Variants in SMYD3 observed in about 807,000 individuals in gnomAD.
The protein encoded by SMYD3 is SET and MYND domain containing 3, also known as histone-lysine N-methyltransferase SMYD3.
In SMYD3, 36 loss-of-function variants were observed where a neutral mutation model predicts 57.7. The observed-to-expected ratio is 0.62, with a 90% CI of 0.48 to 0.82. SMYD3 has a LOEUF of 0.82. Ranked by LOEUF, SMYD3 falls within the 40% of genes least tolerant of loss-of-function variation. SMYD3 has a pLI of 0.00. For missense variants in SMYD3, 515 were observed against 538.8 expected, an observed-to-expected ratio of 0.96 and a Z score of 0.44; for synonymous variants, 211 against 195.0, an observed-to-expected ratio of 1.08 and a Z score of -0.68.
intron 5 of SMYD3, among the ~76,000 whole-genome samples, chr1:246,072,977 C>T (rs2060484651): frequency 6.6e-6 from 1 of 152,148 alleles, no homozygotes; most frequent in African/African-American, 2.4e-5. Context: ...TTTCTTGAGA[C>T]CTTGGCTCTT....
At chr1:246,239,436 T>A (rs1219487157) in intron 5 of SMYD3, among the ~76,000 whole-genome samples, 2 of 152,222 alleles carry the variant, frequency 1.3e-5, no homozygotes, top group Non-Finnish European at 2.9e-5. Flanking sequence ...CTCATCATTT[T>A]TTATGGCTGC....
At chr1:245,803,174 T>A (rs1253533272) in intron 10 of SMYD3, among the ~76,000 whole-genome samples, 1 of 152,356 alleles carries the variant, frequency 6.6e-6, no homozygotes, top group African/African-American at 2.4e-5. Flanking sequence ...GACTGTGACA[T>A]GAAAGATGGT....
intron 1 of SMYD3, among the ~76,000 whole-genome samples, chr1:246,371,051 A>C (rs2066183844): frequency 6.6e-6 from 1 of 152,230 alleles, no homozygotes; most frequent in Non-Finnish European, 1.5e-5. Context: ...ATATTCAATA[A>C]TATTAAAAGG....
intron 10 of SMYD3, among the ~76,000 whole-genome samples, chr1:245,823,086 G>A (rs1393254753): frequency 2.0e-5 from 3 of 152,158 alleles, no homozygotes; most frequent in African/African-American, 7.2e-5. Flanking sequence ...CCTGACGAGG[G>A]AGTGCTCAGT....
Position 246,382,320 on chromosome 1 carries a change from T to C in SMYD3, c.165-27226A>G, listed in dbSNP as rs559374980. Among the ~76,000 whole-genome samples, 9 of 152,020 alleles carry C rather than the reference T, an allele frequency of 5.9e-5. No homozygotes were observed. In the East Asian group the frequency reaches 1.7e-3, roughly 29 times the overall value. ...CATGTCAGCCGCTACAACTCTAGGTTCCAGGCTCACTAGAATGCCAGGTCA... is the reference window on the plus strand; with the variant it reads ...CATGTCAGCCGCTACAACTCTAGGTCCCAGGCTCACTAGAATGCCAGGTCA... On this transcript the variant is annotated intron_variant, in intron 1 of 11. Transcript: ENST00000490107.
At chr1:246,469,768 C>T (rs554395451) in intron 1 of SMYD3, among the ~76,000 whole-genome samples, 3 of 152,108 alleles carry the variant, frequency 2.0e-5, no homozygotes, top group African/African-American at 7.2e-5. Context: ...GATGTTAACT[C>T]TATGGAGGAA....
At chr1:246,453,727 T>C (rs1327972655) in intron 1 of SMYD3, among the ~76,000 whole-genome samples, 1 of 152,178 alleles carries the variant, frequency 6.6e-6, no homozygotes, top group Non-Finnish European at 1.5e-5. Context: ...CTGGATCAGG[T>C]GTATGCAATA....
intron 5 of SMYD3, among the ~76,000 whole-genome samples, chr1:246,240,289 A>C (rs1466882114): frequency 6.6e-6 from 1 of 152,186 alleles, no homozygotes; most frequent in Non-Finnish European, 1.5e-5. Context: ...GAAAGGATCC[A>C]GTTTTAGCTT....
At chr1:246,271,517 G>T (rs1025805001) in intron 5 of SMYD3, among the ~76,000 whole-genome samples, 1 of 152,100 alleles carries the variant, frequency 6.6e-6, no homozygotes, top group East Asian at 1.9e-4. Context: ...TTTGCATATG[G>T]ATACCCAGTT....
At chr1:245,901,534 G>C (rs1243347399) in intron 8 of SMYD3, among the ~76,000 whole-genome samples, 1 of 152,180 alleles carries the variant, frequency 6.6e-6, no homozygotes, top group African/African-American at 2.4e-5. Flanking sequence ...TGTTACATAA[G>C]TGATCTCAAT....
intron 5 of SMYD3, among the ~76,000 whole-genome samples, chr1:246,263,607 T>C (rs1470759907): frequency 1.3e-5 from 2 of 152,184 alleles, no homozygotes; most frequent in African/African-American, 4.8e-5. Flanking sequence ...AACACAAACA[T>C]ACTTTTTCAT....
At chr1:245,753,661 G>A (rs759105668) in intron 11 of SMYD3, among the ~76,000 whole-genome samples, 3 of 152,074 alleles carry the variant, frequency 2.0e-5, no homozygotes, top group African/African-American at 7.2e-5. Context: ...GTACGGAGAG[G>A]GCCCTGTGTG....
chr1:245,796,889 T>G (rs949179568), intron 10 of SMYD3, among the ~76,000 whole-genome samples: 8 of 152,214 alleles, frequency 5.3e-5, no homozygotes, highest in Non-Finnish European at 7.3e-5. Context: ...CCACTGGCTC[T>G]GCAGAAAGCA....
At chr1:246,311,177 C>T (rs936323581) in intron 5 of SMYD3, among the ~76,000 whole-genome samples, 1 of 152,134 alleles carries the variant, frequency 6.6e-6, no homozygotes, top group Non-Finnish European at 1.5e-5. Flanking sequence ...AGAAAATGCC[C>T]TTCCACTCCA....
At chr1:246,378,706 A>ATATATATATTATATATTATATATAAT (rs2066321583) in intron 1 of SMYD3, among the ~76,000 whole-genome samples, 1 of 49,552 alleles carries the variant, frequency 2.0e-5, no homozygotes, top group African/African-American at 7.6e-5. Context: ...ACTCCCCTTT[A>ATATATATATTATATATTATATATAAT]TATATATAAT....
At chr1:245,892,054 G>A (rs2053419601) in intron 8 of SMYD3, among the ~76,000 whole-genome samples, 1 of 151,732 alleles carries the variant, frequency 6.6e-6, no homozygotes, top group Admixed American at 6.6e-5. Context: ...AAGAAAGAAA[G>A]AAAAACACCA....
Position 246,376,652 on chromosome 1 carries a change from A to G in SMYD3, c.165-21558T>C, listed in dbSNP as rs150676028. Among the ~76,000 whole-genome samples, 127 of 151,744 alleles carry G rather than the reference A, an allele frequency of 8.4e-4. 3 individuals carry two copies. In the East Asian group the frequency reaches 0.024, roughly 29 times the overall value. On this transcript the variant is annotated intron_variant, in intron 1 of 11. Coordinates refer to ENST00000490107, the MANE Select transcript of SMYD3 (RefSeq NM_001167740.2). ...CAGTATAAACAACATTACAATGAAC[A>G]CATACTTGAACTGTGCACTTATACA...
rs184218984 is a variant in SMYD3, at chr1:245,884,698, C to A, written c.814-20812G>T. Reference sequence around the variant, plus strand: ...CTGGGTTGAGTGGGGACTTGGAGAACTTTTCTGTCTAGCTAGAGGATTGTA... The same window carrying A: ...CTGGGTTGAGTGGGGACTTGGAGAAATTTTCTGTCTAGCTAGAGGATTGTA... On this transcript the variant is annotated intron_variant, in intron 8 of 11. Coordinates refer to ENST00000490107, the MANE Select transcript of SMYD3 (RefSeq NM_001167740.2). Among the ~76,000 whole-genome samples, 10 of 152,156 alleles carry A rather than the reference C, an allele frequency of 6.6e-5. No homozygotes were observed. The East Asian group carries it at 1.9e-3, about 29-fold the overall frequency.
intron 5 of SMYD3, among the ~76,000 whole-genome samples, chr1:246,094,588 T>C (rs547375602): frequency 1.3e-5 from 2 of 152,320 alleles, no homozygotes; most frequent in South Asian, 4.1e-4. Context: ...TTCCAGACTT[T>C]TAAAGCCCTC....
Sources: gnomAD v4.1 joint callset for allele counts (sites outside exome capture counted in the v4.1 genomes callset) on GRCh38, gnomAD v4.1.1 for gene constraint, MANE v1.5 for transcripts, NCBI Gene and HGNC (gene_info 2026-07-23, HGNC 2026-07-21) for gene names.